The following RARB variants were observed in gnomAD, a reference collection of about 807,000 sequenced individuals.
RARB encodes HBV-activated protein.
In RARB, 17 loss-of-function variants were observed where a neutral mutation model predicts 51.9. That is an observed-to-expected ratio of 0.33 (90% CI 0.22 to 0.49). The LOEUF (loss-of-function observed/expected upper bound fraction) is 0.49, where lower values mean the gene tolerates loss of function less well. RARB is among the 20% of genes least tolerant of loss of function. The pLI is 0.99. For synonymous variants in RARB, 215 were observed against 195.4 expected, an observed-to-expected ratio of 1.10 and a Z score of -0.84; for missense variants, 369 against 550.8, an observed-to-expected ratio of 0.67 and a Z score of 3.30.
chr3:25,581,146 G>A (rs570345621), intron 5 of RARB, among the ~76,000 whole-genome samples: 50 of 152,252 alleles, frequency 3.3e-4, no homozygotes, highest in Non-Finnish European at 5.9e-4. Context: ...CTTCCTGTGC[G>A]ACCACCACAC....
At chr3:25,281,095 A>G (rs1296370753) in intron 5 of RARB, among the ~76,000 whole-genome samples, 1 of 152,212 alleles carries the variant, frequency 6.6e-6, no homozygotes, top group Non-Finnish European at 1.5e-5. Context: ...AATCCTCACT[A>G]CAGAATGCTC....
At chr3:25,397,298 C>T (rs1707142468) in intron 5 of RARB, among the ~76,000 whole-genome samples, 1 of 152,150 alleles carries the variant, frequency 6.6e-6, no homozygotes, top group African/African-American at 2.4e-5. Context: ...ATCCTTCTCC[C>T]ATGATCTGGA....
intron 1 of RARB, among the ~76,000 whole-genome samples, chr3:25,447,472 C>G (rs1244764825): frequency 6.6e-6 from 1 of 152,172 alleles, no homozygotes; most frequent in Non-Finnish European, 1.5e-5. Context: ...CAGCATGTAT[C>G]AAGGGGTCTG....
chr3:25,266,871 G>A (rs563941936), intron 5 of RARB, among the ~76,000 whole-genome samples: 5 of 152,294 alleles, frequency 3.3e-5, no homozygotes, highest in East Asian at 3.9e-4. Context: ...GCTGGTCTCC[G>A]ATTGCAGAAT....
At chr3:25,349,972 C>T (rs1252847538) in intron 5 of RARB, among the ~76,000 whole-genome samples, 1 of 151,890 alleles carries the variant, frequency 6.6e-6, no homozygotes, top group Non-Finnish European at 1.5e-5. Context: ...TGGCTGGGGC[C>T]TTGGTTTTCC....
chr3:25,346,867 C>T (rs1255912010), intron 5 of RARB, among the ~76,000 whole-genome samples: 1 of 152,202 alleles, frequency 6.6e-6, no homozygotes, highest in Non-Finnish European at 1.5e-5. Context: ...CTGTGCCAGG[C>T]CCCCAAAAGG....
intron 5 of RARB, among the ~76,000 whole-genome samples, chr3:25,279,907 A>T (rs1267225931): frequency 6.6e-6 from 1 of 152,198 alleles, no homozygotes; most frequent in African/African-American, 2.4e-5. Context: ...GGAGAGGTCA[A>T]GTGCCTCAGG....
At chr3:24,955,551 C>T (rs1695995884) in intron 2 of RARB, among the ~76,000 whole-genome samples, 1 of 152,190 alleles carries the variant, frequency 6.6e-6, no homozygotes, top group Non-Finnish European at 1.5e-5. Context: ...GAAAGTTTCC[C>T]CTTTGTCCTC....
chr3:24,852,125 A>G (rs1559371498), intron 1 of RARB, among the ~76,000 whole-genome samples: 1 of 152,182 alleles, frequency 6.6e-6, no homozygotes, highest in Non-Finnish European at 1.5e-5. Context: ...ACTATAGATG[A>G]TATCTCATTT....
intron 5 of RARB, among the ~76,000 whole-genome samples, chr3:25,336,501 G>T (rs578022452): frequency 6.6e-6 from 1 of 152,102 alleles, no homozygotes; most frequent in Non-Finnish European, 1.5e-5. Context: ...AACCTCTTGT[G>T]GGCAAAAATC....
At chr3:24,840,516 T>C (rs1322500367) in intron 1 of RARB, among the ~76,000 whole-genome samples, 3 of 152,162 alleles carry the variant, frequency 2.0e-5, no homozygotes, top group African/African-American at 4.8e-5. Context: ...CAAGTATTGC[T>C]TTCACAACAT....
At chr3:25,548,302 A>G (rs904971675) in intron 3 of RARB, among the ~76,000 whole-genome samples, 1 of 152,092 alleles carries the variant, frequency 6.6e-6, no homozygotes, top group Non-Finnish European at 1.5e-5. Context: ...ATTACACTCA[A>G]ATGGATACCC....
Position 25,171,098 on chromosome 3 carries a change from C to T in RARB, c.-279-3021C>T, listed in dbSNP as rs1233027512. On this transcript the variant is annotated intron_variant, in intron 4 of 11. Transcript: ENST00000383772. ...GAAACTTGACATAAAGCCTACTTCT[C>T]TTCACTTGACCCCTTTTACAGATTC... Among the ~76,000 whole-genome samples, 4 of 151,844 alleles carry T rather than the reference C, an allele frequency of 2.6e-5. No individual in the cohort carries two copies. In the East Asian group the frequency reaches 5.8e-4, roughly 22 times the overall value.
intron 3 of RARB, among the ~76,000 whole-genome samples, chr3:25,109,427 T>C (rs1217185089): frequency 2.0e-5 from 3 of 152,134 alleles, no homozygotes; most frequent in South Asian, 2.1e-4. Flanking sequence ...AAATCAAATA[T>C]GATAATAAGT....
intron 5 of RARB, among the ~76,000 whole-genome samples, chr3:25,199,347 G>C (rs559550215): frequency 6.6e-6 from 1 of 151,884 alleles, no homozygotes; most frequent in Non-Finnish European, 1.5e-5. Flanking sequence ...TGGTTATTGG[G>C]TATAAAAATA....
At chr3:25,190,401 A>T (rs1215552764) in intron 5 of RARB, among the ~76,000 whole-genome samples, 1 of 152,098 alleles carries the variant, frequency 6.6e-6, no homozygotes, top group Non-Finnish European at 1.5e-5. Flanking sequence ...CTATATATGC[A>T]TATATATGTG....
intron 3 of RARB, among the ~76,000 whole-genome samples, chr3:25,069,721 A>T (rs540683073): frequency 1.2e-4 from 18 of 152,322 alleles, no homozygotes; most frequent in Non-Finnish European, 1.3e-4. Flanking sequence ...GGAGGCAGGG[A>T]AAGTTAGATG....
chr3:25,407,756 G>A (rs1707450517), intron 5 of RARB, among the ~76,000 whole-genome samples: 1 of 60,860 alleles, frequency 1.6e-5, no homozygotes, highest in African/African-American at 6.4e-5. Flanking sequence ...TCTGCATGAA[G>A]GCTTTTTTTT....
intron 5 of RARB, among the ~76,000 whole-genome samples, chr3:25,194,631 T>C (rs1012415258): frequency 1.3e-5 from 2 of 151,416 alleles, no homozygotes; most frequent in Non-Finnish European, 3.0e-5. Context: ...TTAGAGTCCC[T>C]TGAGAACAAG....
Sources: gnomAD v4.1 joint callset for allele counts (sites outside exome capture counted in the v4.1 genomes callset) on GRCh38, gnomAD v4.1.1 for gene constraint, MANE v1.5 for transcripts, NCBI Gene and HGNC (gene_info 2026-07-23, HGNC 2026-07-21) for gene names.